ERC2: variants seen among roughly 807,000 people sequenced by gnomAD.
The protein encoded by ERC2 is ELKS/RAB6-interacting/CAST family member 2.
In ERC2, 42 loss-of-function variants were observed where a neutral mutation model predicts 114.8. That is an observed-to-expected ratio of 0.37 (90% CI 0.29 to 0.47). The LOEUF is 0.47. Among genes scored for constraint, ERC2 ranks in the 20% least tolerant of loss-of-function variants. The pLI, the probability that ERC2 is intolerant of heterozygous loss-of-function variation, is 0.99. For synonymous variants in ERC2, 454 were observed against 425.5 expected, an observed-to-expected ratio of 1.07 and a Z score of -0.82; for missense variants, 939 against 1,150.7, an observed-to-expected ratio of 0.82 and a Z score of 2.66.
chr3:56,299,471 C>T (rs1415611096), intron 2 of ERC2, among the ~76,000 whole-genome samples: 1 of 151,374 alleles, frequency 6.6e-6, no homozygotes, highest in Non-Finnish European at 1.5e-5. Context: ...CACTCAGTCC[C>T]CAGGCTGAAG....
At chr3:56,349,983 T>C (rs2058488938) in intron 2 of ERC2, among the ~76,000 whole-genome samples, 1 of 151,216 alleles carries the variant, frequency 6.6e-6, no homozygotes, top group African/African-American at 2.4e-5. Flanking sequence ...GATGAAATAA[T>C]ATGTACACCC....
At chr3:55,994,516 G>C (rs984542626) in intron 10 of ERC2, among the ~76,000 whole-genome samples, 1 of 151,746 alleles carries the variant, frequency 6.6e-6, no homozygotes, top group Admixed American at 6.6e-5. Flanking sequence ...ACAAACACGG[G>C]GGGAGATATT....
chr3:56,404,534 A>G (rs1315448849), intron 2 of ERC2, among the ~76,000 whole-genome samples: 6 of 152,238 alleles, frequency 3.9e-5, no homozygotes, highest in Admixed American at 3.9e-4. Flanking sequence ...GGGTGATTAT[A>G]GTCAATAATA....
At chr3:56,146,870 C>G (rs573457324) in intron 5 of ERC2, among the ~76,000 whole-genome samples, 3 of 152,322 alleles carry the variant, frequency 2.0e-5, no homozygotes, top group African/African-American at 7.2e-5. Context: ...CTGACCACTT[C>G]TGGAACCATT....
chr3:56,022,469 A>G (rs1294489968), intron 7 of ERC2, among the ~76,000 whole-genome samples: 2 of 152,220 alleles, frequency 1.3e-5, no homozygotes, highest in Non-Finnish European at 1.5e-5. Context: ...CTGCAGGAGA[A>G]AATAATCCTT....
chr3:55,887,678 T>C (rs565322707), intron 14 of ERC2, among the ~76,000 whole-genome samples: 18 of 152,334 alleles, frequency 1.2e-4, no homozygotes, highest in East Asian at 3.9e-4. Context: ...TGCTCTTTCA[T>C]TGTGAGAATG....
intron 17 of ERC2, among the ~76,000 whole-genome samples, chr3:55,574,749 G>A (rs1229661547): frequency 6.6e-6 from 1 of 152,194 alleles, no homozygotes; most frequent in Non-Finnish European, 1.5e-5. Flanking sequence ...GGCTCGAGTT[G>A]ATCACTGAGG....
intron 17 of ERC2, among the ~76,000 whole-genome samples, chr3:55,575,797 T>C (rs1311127495): frequency 1.3e-5 from 2 of 152,026 alleles, no homozygotes; most frequent in African/African-American, 4.8e-5. Context: ...AAAACCAGAG[T>C]AGCAAGAGCA....
intron 17 of ERC2, among the ~76,000 whole-genome samples, chr3:55,539,786 G>A (rs999661922): frequency 2.4e-4 from 36 of 152,074 alleles, no homozygotes; most frequent in African/African-American, 8.4e-4. Flanking sequence ...TATATTTAAT[G>A]TTGTTTAGCC....
At chr3:55,802,439 T>C (rs994069013) in intron 14 of ERC2, among the ~76,000 whole-genome samples, 2 of 152,214 alleles carry the variant, frequency 1.3e-5, no homozygotes, top group African/African-American at 4.8e-5. Context: ...GAATGCTATG[T>C]CATTTTTTAT....
At chr3:55,797,220 C>T (rs977104853) in intron 14 of ERC2, among the ~76,000 whole-genome samples, 7 of 152,108 alleles carry the variant, frequency 4.6e-5, no homozygotes, top group African/African-American at 1.7e-4. Context: ...ATAGGAAAAC[C>T]CTCAAATGAA....
At chr3:55,513,340 C>G (rs902575408) in intron 17 of ERC2, among the ~76,000 whole-genome samples, 1 of 152,226 alleles carries the variant, frequency 6.6e-6, no homozygotes, top group African/African-American at 2.4e-5. Context: ...ACATTCCACT[C>G]TTTATGTTCC....
chr3:56,293,558 T>G (rs995973008), intron 3 of ERC2, among the ~76,000 whole-genome samples: 2 of 152,242 alleles, frequency 1.3e-5, no homozygotes, highest in Non-Finnish European at 2.9e-5. Context: ...AATGATCCTT[T>G]CAGGCCTTCA....
intron 1 of ERC2, among the ~76,000 whole-genome samples, chr3:56,442,883 T>C (rs2062384414): frequency 1.3e-5 from 2 of 152,202 alleles, no homozygotes; most frequent in Non-Finnish European, 2.9e-5. Flanking sequence ...GTTCTGACTA[T>C]GGGAAGTTTG....
chr3:56,326,566 A>G (rs7639248), intron 2 of ERC2, among the ~76,000 whole-genome samples: 53,268 of 151,914 alleles, frequency 0.35, 9,407 homozygotes, highest in African/African-American at 0.37. Flanking sequence ...CTGTACATGC[A>G]GGTGTGAGAG....
intron 14 of ERC2, among the ~76,000 whole-genome samples, chr3:55,822,413 T>C (rs2060160816): frequency 6.6e-6 from 1 of 152,196 alleles, no homozygotes; most frequent in South Asian, 2.1e-4. Context: ...TTACACCCCT[T>C]AATTAAATTA....
At chr3:56,118,737 C>A (rs1319186874) in intron 6 of ERC2, among the ~76,000 whole-genome samples, 3 of 150,786 alleles carry the variant, frequency 2.0e-5, no homozygotes, top group Non-Finnish European at 4.4e-5. Flanking sequence ...CCCGGGTTCA[C>A]GCCATTCTCC....
chr3:55,541,662 T>C (rs770432546), intron 17 of ERC2, among the ~76,000 whole-genome samples: 1 of 152,180 alleles, frequency 6.6e-6, no homozygotes, highest in Non-Finnish European at 1.5e-5. Context: ...TTCTCCAACA[T>C]AAAAATTGGC....
intron 17 of ERC2, among the ~76,000 whole-genome samples, chr3:55,587,655 A>G (rs1034676375): frequency 6.6e-6 from 1 of 152,206 alleles, no homozygotes; most frequent in Non-Finnish European, 1.5e-5. Flanking sequence ...ATTACTCTCC[A>G]AAGTGGTTGT....
Sources: allele counts gnomAD v4.1 joint callset (sites outside exome capture counted in the v4.1 genomes callset), GRCh38; gene constraint gnomAD v4.1.1; transcripts MANE v1.5; gene names NCBI Gene and HGNC (gene_info 2026-07-23, HGNC 2026-07-21).